Variants in GRIP1 observed in about 807,000 individuals in gnomAD.
GRIP1 encodes glutamate receptor-interacting protein 1.
A neutral mutation model predicts 129.9 loss-of-function variants in GRIP1; 45 were observed. That is an observed-to-expected ratio of 0.35 (90% confidence interval 0.27 to 0.44). The LOEUF (loss-of-function observed/expected upper bound fraction) is 0.44. Among genes scored for constraint, GRIP1 ranks in the 20% least tolerant of loss-of-function variants. The pLI is 1.00. For synonymous variants in GRIP1, 530 were observed against 520.8 expected, an observed-to-expected ratio of 1.02 and a Z score of -0.24; for missense variants, 1,196 against 1,396.8, an observed-to-expected ratio of 0.86 and a Z score of 2.29.
chr12:66,424,798 G>A (rs2057926886), intron 14 of GRIP1, among the ~76,000 whole-genome samples: 1 of 152,050 alleles, frequency 6.6e-6, no homozygotes, highest in Non-Finnish European at 1.5e-5. Flanking sequence ...ATATTTCCCA[G>A]GATATATAAA....
intron 1 of GRIP1, among the ~76,000 whole-genome samples, chr12:66,964,410 T>C (rs1469112469): frequency 6.6e-6 from 1 of 151,990 alleles, no homozygotes; most frequent in Non-Finnish European, 1.5e-5. Context: ...AATAAAAGCT[T>C]ACTGCCCTAA....
intron 1 of GRIP1, among the ~76,000 whole-genome samples, chr12:66,821,797 T>C (rs568355650): frequency 1.3e-5 from 2 of 152,290 alleles, no homozygotes; most frequent in East Asian, 1.9e-4. Context: ...ATTTGGACTT[T>C]CATCAGAATA....
intron 9 of GRIP1, among the ~76,000 whole-genome samples, chr12:66,460,020 C>G (rs1278075575): frequency 6.6e-6 from 1 of 152,146 alleles, no homozygotes; most frequent in African/African-American, 2.4e-5. Context: ...TGGATTAGCT[C>G]AGACAATGTT....
chr12:66,786,578 G>A (rs973037003), intron 1 of GRIP1, among the ~76,000 whole-genome samples: 1 of 152,182 alleles, frequency 6.6e-6, no homozygotes, highest in Non-Finnish European at 1.5e-5. Context: ...AGCCCCCAGT[G>A]CTTTACCCAG....
Position 66,349,192 on chromosome 12 carries a change from CTA to C in GRIP1, c.3212_3213del (p.Ile1071SerfsTer6). ...DFDCCLVVPLIAESGNKLDLV... is the reference protein window; with the variant it reads ...DFDCCLVVPLXAESGNKLDLV... Reference sequence around the variant, plus strand: ...AGGTCCAGCTTATTCCCGGATTCTGCTATGAGGGGCACAACAAGGCAGCAGTC... The same window carrying C: ...AGGTCCAGCTTATTCCCGGATTCTGCTGAGGGGCACAACAAGGCAGCAGTC... On this transcript the variant is annotated frameshift_variant, in exon 25 of 25. Coordinates refer to ENST00000359742, the MANE Select transcript of GRIP1 (RefSeq NM_001366722.1). LOFTEE classifies it high-confidence loss of function. 6.2e-7 allele frequency: 1 copy of C among 1,614,106 alleles called. No homozygotes were observed. The highest frequency in any genetic ancestry group is 8.5e-7 in the Non-Finnish European group (1 of 1,180,002).
intron 7 of GRIP1, among the ~76,000 whole-genome samples, chr12:66,484,150 C>T (rs150174005): frequency 0.012 from 1,809 of 152,254 alleles, 40 homozygotes; most frequent in African/African-American, 0.041. Context: ...TGAGCCACTG[C>T]GCCCGGCCCA....
intron 7 of GRIP1, among the ~76,000 whole-genome samples, 182 bp from the exon 8 acceptor site, chr12:66,465,604 C>T (rs527666546): frequency 3.9e-5 from 6 of 152,330 alleles, no homozygotes; most frequent in African/African-American, 1.4e-4. Flanking sequence ...TCTTAACACA[C>T]CTGTTCCATT....
At position 66,664,785 on chromosome 12, in the gene GRIP1, C is replaced by T. The variant is rs188112498; in HGVS notation, c.55+14065G>A. 7.2e-5 allele frequency among the ~76,000 whole-genome samples: 11 copies of T among 152,184 alleles called. No individual in the cohort carries two copies. In the East Asian group the frequency reaches 9.6e-4, roughly 13 times the overall value. On this transcript the variant is annotated intron_variant, in intron 1 of 24. Coordinates refer to ENST00000359742, the MANE Select transcript of GRIP1 (RefSeq NM_001366722.1). Reference sequence around the variant, plus strand: ...ATGATAAGCATGAAATAAATGGTAGCTATTGTTATTAGTAATGTTAATATT... The same window carrying T: ...ATGATAAGCATGAAATAAATGGTAGTTATTGTTATTAGTAATGTTAATATT...
intron 1 of GRIP1, among the ~76,000 whole-genome samples, chr12:66,933,035 C>T (rs970484688): frequency 1.3e-5 from 2 of 152,190 alleles, no homozygotes; most frequent in African/African-American, 4.8e-5. Context: ...GTAACGAGTT[C>T]CATTTTATTA....
chr12:66,480,750 T>G (rs1420872498), intron 7 of GRIP1, among the ~76,000 whole-genome samples: 1 of 152,052 alleles, frequency 6.6e-6, no homozygotes, highest in Non-Finnish European at 1.5e-5. Context: ...GCCTCAGAAA[T>G]AATACCACAC....
chr12:66,401,492 TC>T (rs1200133316), intron 16 of GRIP1, among the ~76,000 whole-genome samples: 1 of 151,296 alleles, frequency 6.6e-6, no homozygotes, highest in African/African-American at 2.4e-5. Flanking sequence ...GGCAGGAGAA[TC>T]AGTTGAACCT....
intron 1 of GRIP1, among the ~76,000 whole-genome samples, chr12:66,949,760 C>CTTTTTTTTTTTTTTTTTTTTTTT (rs781123585): frequency 1.2e-5 from 1 of 85,426 alleles, no homozygotes. Context: ...CATGCTCCTC[C>CTTTTTTTTTTTTTTTTTTTTTTT]TTTTTTTTTT....
intron 1 of GRIP1, among the ~76,000 whole-genome samples, chr12:66,642,097 A>G (rs1434864475): frequency 2.6e-5 from 4 of 152,188 alleles, no homozygotes; most frequent in Non-Finnish European, 5.9e-5. Flanking sequence ...AAGCCAGTGG[A>G]CAGGTTCTTA....
intron 1 of GRIP1, among the ~76,000 whole-genome samples, chr12:66,787,341 C>G (rs1255274446): frequency 6.7e-6 from 1 of 150,374 alleles, no homozygotes; most frequent in Non-Finnish European, 1.5e-5. Context: ...TGATTTTAAA[C>G]AATATTTAGC....
At chr12:66,853,984 T>C (rs1023157114) in intron 1 of GRIP1, among the ~76,000 whole-genome samples, 2 of 152,022 alleles carry the variant, frequency 1.3e-5, no homozygotes, top group African/African-American at 4.8e-5. Context: ...GGTTAATAAA[T>C]AATGAATCTT....
chr12:66,401,598 G>GTATA (rs1555177931), intron 16 of GRIP1, among the ~76,000 whole-genome samples: 7 of 66,256 alleles, frequency 1.1e-4, no homozygotes, highest in African/African-American at 3.1e-4. Flanking sequence ...AAATATGTGT[G>GTATA]TATATATATA....
chr12:66,969,014 G>A (rs924110774), intron 1 of GRIP1, among the ~76,000 whole-genome samples: 1 of 151,966 alleles, frequency 6.6e-6, no homozygotes, highest in African/African-American at 2.4e-5. Context: ...GTTGATGAGG[G>A]TTTATTTTTC....
chr12:67,003,127 G>C (rs2042576711), intron 1 of GRIP1, among the ~76,000 whole-genome samples: 1 of 152,004 alleles, frequency 6.6e-6, no homozygotes, highest in South Asian at 2.1e-4. Flanking sequence ...AATTCTAAAT[G>C]TGAACACCAC....
rs915716653 is a variant in GRIP1 at position 66,523,134 on chromosome 12, A to G, written c.503-5158T>C. Among the ~76,000 whole-genome samples, 68 of 151,632 alleles carry G rather than the reference A, an allele frequency of 4.5e-4. No homozygotes were observed. In the Middle Eastern group the frequency reaches 0.02, roughly 46 times the overall value. ...GATATTATCCAGGAGAACTTCCCCA[A>G]TCTAGCAAGGCAGGCCAACATTCAG... On this transcript the variant is annotated intron_variant, in intron 5 of 24. Transcript: ENST00000359742.
Sources: allele counts gnomAD v4.1 joint callset (sites outside exome capture counted in the v4.1 genomes callset), GRCh38; gene constraint gnomAD v4.1.1; transcripts MANE v1.5; gene names NCBI Gene and HGNC (gene_info 2026-07-23, HGNC 2026-07-21).